SCOC: variants seen among roughly 807,000 people sequenced by gnomAD.
SCOC encodes the protein short coiled-coil protein, also known as short coiled coil protein.
A neutral mutation model predicts 9.9 loss-of-function variants in SCOC; 7 were observed. That is an observed-to-expected ratio of 0.71 (90% CI 0.40 to 1.33). The LOEUF (loss-of-function observed/expected upper bound fraction) is 1.33. SCOC is among the 40% of genes most tolerant of loss of function. The probability of loss-of-function intolerance (pLI) is 0.01; values close to 1 mark genes in which losing one functional copy is unlikely to be tolerated. For synonymous variants in SCOC, 19 were observed against 28.2 expected (o/e 0.67, Z 1.03); for missense variants, 66 against 89.7 (o/e 0.74, Z 1.07).
chr4:140,258,684 C>T (rs925514919), intron 1 of SCOC, among the ~76,000 whole-genome samples: 1 of 152,216 alleles, frequency 6.6e-6, no homozygotes, highest in Non-Finnish European at 1.5e-5. Flanking sequence ...TCCTCCAGGG[C>T]TTCAGGGTCT....
At chr4:140,281,618 C>A (rs1731098721) in intron 1 of SCOC, among the ~76,000 whole-genome samples, 1 of 152,234 alleles carries the variant, frequency 6.6e-6, no homozygotes, top group Non-Finnish European at 1.5e-5. Flanking sequence ...ACCTGGCCTG[C>A]AAGTTCCTCA....
intron 1 of SCOC, among the ~76,000 whole-genome samples, chr4:140,377,146 G>A (rs1728378585): frequency 6.6e-6 from 1 of 152,186 alleles, no homozygotes; most frequent in Non-Finnish European, 1.5e-5. Flanking sequence ...CTGGATCAGT[G>A]GTTGAAATGG....
intron 1 of SCOC, among the ~76,000 whole-genome samples, chr4:140,261,000 C>T (rs1730621151): frequency 6.6e-6 from 1 of 152,130 alleles, no homozygotes; most frequent in Non-Finnish European, 1.5e-5. Flanking sequence ...TTAAGTTGAA[C>T]TCGATGTTCA....
At chr4:140,351,188 CT>C (rs1443825144) in intron 2 of SCOC, among the ~76,000 whole-genome samples, 4 of 146,632 alleles carry the variant, frequency 2.7e-5, no homozygotes, top group South Asian at 2.2e-4. Flanking sequence ...GAGACTTTAT[CT>C]AAAAAAAAAA....
intron 1 of SCOC, among the ~76,000 whole-genome samples, chr4:140,311,248 A>G (rs1270323243): frequency 6.6e-6 from 1 of 152,180 alleles, no homozygotes; most frequent in East Asian, 1.9e-4. Flanking sequence ...TAATAAAAAA[A>G]GATTTTTTTT....
At chr4:140,330,639 T>C (rs904831350) in intron 1 of SCOC, among the ~76,000 whole-genome samples, 1 of 152,232 alleles carries the variant, frequency 6.6e-6, no homozygotes, top group African/African-American at 2.4e-5. Flanking sequence ...GGAAGGCATG[T>C]GAAAATTTAT....
At chr4:140,293,583 A>G (rs923837904) in intron 1 of SCOC, among the ~76,000 whole-genome samples, 2 of 152,248 alleles carry the variant, frequency 1.3e-5, no homozygotes, top group South Asian at 2.1e-4. Flanking sequence ...GGCCAGGCCA[A>G]TGGGAAGACC....
At chr4:140,282,083 C>T (rs1487457226) in intron 1 of SCOC, among the ~76,000 whole-genome samples, 1 of 152,166 alleles carries the variant, frequency 6.6e-6, no homozygotes, top group African/African-American at 2.4e-5. Context: ...TTCCATGATT[C>T]TGTAAATCCT....
chr4:140,262,037 G>A (rs1444564289), intron 1 of SCOC, among the ~76,000 whole-genome samples: 1 of 152,180 alleles, frequency 6.6e-6, no homozygotes, highest in Non-Finnish European at 1.5e-5. Flanking sequence ...CTGAGAAGTT[G>A]AATTTAGTGT....
At chr4:140,265,750 T>A (rs1292637191) in intron 1 of SCOC, among the ~76,000 whole-genome samples, 2 of 152,244 alleles carry the variant, frequency 1.3e-5, no homozygotes, top group Non-Finnish European at 2.9e-5. Flanking sequence ...TAGGTTAAAC[T>A]TGATTTAACA....
intron 1 of SCOC, among the ~76,000 whole-genome samples, chr4:140,326,182 C>T (rs895266279): frequency 2.0e-5 from 3 of 151,990 alleles, no homozygotes; most frequent in East Asian, 1.9e-4. Flanking sequence ...TTGAGGGAAA[C>T]GGGAGAGGTT....
intron 1 of SCOC, among the ~76,000 whole-genome samples, chr4:140,305,811 G>GT (rs1323898717): frequency 6.6e-6 from 1 of 152,168 alleles, no homozygotes. Context: ...AAGCCAGAGA[G>GT]TAACAAGTCA....
intron 1 of SCOC, chr4:140,374,037 C>T: frequency 1.9e-6 from 1 of 540,318 alleles, no homozygotes; most frequent in South Asian, 1.5e-5. Flanking sequence ...CTTTGCAGCT[C>T]TCGGCTCTGG....
intron 1 of SCOC, among the ~76,000 whole-genome samples, chr4:140,266,554 T>A (rs2126394872): frequency 6.6e-6 from 1 of 152,242 alleles, no homozygotes; most frequent in African/African-American, 2.4e-5. Flanking sequence ...CATTGGGGAT[T>A]AGGAAGAACC....
At chr4:140,297,296 C>G (rs189431910) in intron 1 of SCOC, among the ~76,000 whole-genome samples, 1 of 151,482 alleles carries the variant, frequency 6.6e-6, no homozygotes, top group African/African-American at 2.4e-5. Context: ...TTGTCAGTAT[C>G]TGCTGCCGGA....
chr4:140,264,158 C>T (rs1730688304), intron 1 of SCOC, among the ~76,000 whole-genome samples: 1 of 152,094 alleles, frequency 6.6e-6, no homozygotes. Context: ...CACCACCACG[C>T]CCAGCTAATT....
intron 1 of SCOC, among the ~76,000 whole-genome samples, chr4:140,334,527 A>T (rs1000562440): frequency 4.6e-5 from 7 of 152,182 alleles, no homozygotes; most frequent in African/African-American, 1.7e-4. Context: ...TTAAGGGAAA[A>T]TTTTAATTAA....
At chr4:140,268,499 A>T (rs1437345565) in intron 1 of SCOC, among the ~76,000 whole-genome samples, 1 of 152,202 alleles carries the variant, frequency 6.6e-6, no homozygotes, top group Non-Finnish European at 1.5e-5. Flanking sequence ...TTTCCAGGAG[A>T]TCCTTTGTTG....
intron 1 of SCOC, among the ~76,000 whole-genome samples, chr4:140,261,454 C>T (rs1373980478): frequency 6.6e-6 from 1 of 152,208 alleles, no homozygotes; most frequent in Non-Finnish European, 1.5e-5. Context: ...TTCCCATACC[C>T]CAGACTTTGC....
Sources: allele counts gnomAD v4.1 joint callset (sites outside exome capture counted in the v4.1 genomes callset), GRCh38; gene constraint gnomAD v4.1.1; transcripts MANE v1.5; gene names NCBI Gene and HGNC (gene_info 2026-07-23, HGNC 2026-07-21).